Variants in LSAMP observed in about 807,000 individuals in gnomAD.
The protein encoded by LSAMP is limbic system-associated membrane protein.
In LSAMP, 7 loss-of-function variants were observed where a neutral mutation model predicts 38.6. That is an observed-to-expected ratio of 0.18 (90% confidence interval 0.10 to 0.34). The LOEUF is 0.34. LSAMP is among the 10% of genes least tolerant of loss of function. LSAMP has a pLI of 1.00. For missense variants in LSAMP, 313 were observed against 420.0 expected, an observed-to-expected ratio of 0.75 and a Z score of 2.23; for synonymous variants, 154 against 166.8, an observed-to-expected ratio of 0.92 and a Z score of 0.59.
chr3:116,161,252 G>A (rs1351733901), intron 1 of LSAMP, among the ~76,000 whole-genome samples: 1 of 152,126 alleles, frequency 6.6e-6, no homozygotes. Context: ...CTCCAAAATA[G>A]CATGAAATAA....
At chr3:116,424,473 G>A (rs888024255) in intron 1 of LSAMP, among the ~76,000 whole-genome samples, 1 of 152,098 alleles carries the variant, frequency 6.6e-6, no homozygotes, top group Non-Finnish European at 1.5e-5. Flanking sequence ...AAAAATCAAA[G>A]GAAGCTCTTA....
intron 1 of LSAMP, among the ~76,000 whole-genome samples, chr3:116,342,985 G>A (rs559771048): frequency 2.0e-5 from 3 of 152,182 alleles, no homozygotes; most frequent in South Asian, 4.1e-4. Context: ...ATGAATAGTT[G>A]TTCCATTATG....
At chr3:116,324,618 C>A (rs2047745903) in intron 1 of LSAMP, among the ~76,000 whole-genome samples, 1 of 152,098 alleles carries the variant, frequency 6.6e-6, no homozygotes, top group Non-Finnish European at 1.5e-5. Context: ...TTTAGTCTCC[C>A]CTGGATGCTC....
intron 3 of LSAMP, among the ~76,000 whole-genome samples, chr3:115,879,299 A>T (rs922977327): frequency 6.6e-6 from 1 of 152,182 alleles, no homozygotes; most frequent in African/African-American, 2.4e-5. Flanking sequence ...ATTTCAAATT[A>T]CCCAAGCCAT....
chr3:116,084,897 A>G (rs918152466), intron 2 of LSAMP, among the ~76,000 whole-genome samples: 2 of 151,766 alleles, frequency 1.3e-5, no homozygotes, highest in African/African-American at 4.9e-5. Context: ...TCCTAAGTAA[A>G]CTAGTTATCT....
intron 1 of LSAMP, among the ~76,000 whole-genome samples, chr3:116,258,949 T>TAAAG (rs918143088): frequency 1.3e-5 from 2 of 152,114 alleles, no homozygotes; most frequent in Non-Finnish European, 2.9e-5. Context: ...AAATACGTTT[T>TAAAG]AAAGAGAACC....
intron 2 of LSAMP, among the ~76,000 whole-genome samples, chr3:116,042,906 C>A (rs79328430): frequency 1.3e-5 from 2 of 152,114 alleles, no homozygotes; most frequent in African/African-American, 4.8e-5. Context: ...TCTAGAAACT[C>A]CAGGAGTATA....
chr3:116,084,471 AC>A (rs57127863), intron 2 of LSAMP, among the ~76,000 whole-genome samples: 27 of 145,778 alleles, frequency 1.9e-4, no homozygotes, highest in East Asian at 6.0e-4. Context: ...AAAAAAAAAA[AC>A]CAAAAAAAAC....
chr3:116,317,109 T>C (rs1246169282), intron 1 of LSAMP, among the ~76,000 whole-genome samples: 1 of 152,118 alleles, frequency 6.6e-6, no homozygotes, highest in Admixed American at 6.5e-5. Context: ...AATAAAGGAA[T>C]AAAGTTGGCC....
chr3:116,231,273 CA>C (rs2046399752), intron 1 of LSAMP, among the ~76,000 whole-genome samples: 1 of 152,178 alleles, frequency 6.6e-6, no homozygotes. Flanking sequence ...ACAGTTCTCA[CA>C]TATTCAATCA....
rs375623384 is a variant in LSAMP at position 115,904,637 on chromosome 3, T to G, written c.515-52020A>C. Among the ~76,000 whole-genome samples, 9 of 152,244 alleles carry G rather than the reference T, an allele frequency of 5.9e-5. No homozygotes were observed. The South Asian group carries it at 1.9e-3, about 32-fold the overall frequency. The stretch of plus-strand genomic sequence containing the variant: ...CCAGATCTACCCTTCACTCTCAGAG[T>G]GATCTTTCTAAAATGCGAATCTGAT... On this transcript the variant is annotated intron_variant, in intron 3 of 6. Coordinates refer to ENST00000490035, the MANE Select transcript of LSAMP (RefSeq NM_002338.5).
chr3:116,445,012 G>T lies in LSAMP; in HGVS notation c.20C>A (p.Pro7Gln). Reference sequence around the variant, plus strand: ...GACCAGTGGCAACTGTTTCCGATCCGGCTGAACTCTCCTGACCATGGTGGC... The same window carrying T: ...GACCAGTGGCAACTGTTTCCGATCCTGCTGAACTCTCCTGACCATGGTGGC... MVRRVQ[P>Q]DRKQLPLVLL... is the part of the protein sequence containing the mutation. The change falls in exon 1 of 7, where the codon CCG (proline) becomes CAG (glutamine). Residue 7 changes from proline (P) to glutamine (Q), a missense_variant. By Grantham distance (76) the Pro-to-Gln change is moderately conservative (BLOSUM62 -1). Coordinates refer to ENST00000490035, the MANE Select transcript of LSAMP (RefSeq NM_002338.5). 6.2e-7 allele frequency: 1 copy of T among 1,613,806 alleles called. No homozygotes were observed. The highest frequency in any genetic ancestry group is 8.5e-7 in the Non-Finnish European group (1 of 1,179,854).
rs116065923 is a variant in LSAMP, at chr3:116,397,551, C to G, written c.155+47326G>C. Reference sequence around the variant, plus strand: ...CACTACAATGCAAGCTTCGTGAGGACTGAAATTTCTGTGTGTTTTGTTCAT... The same window carrying G: ...CACTACAATGCAAGCTTCGTGAGGAGTGAAATTTCTGTGTGTTTTGTTCAT... On this transcript the variant is annotated intron_variant, in intron 1 of 6. Coordinates refer to ENST00000490035, the MANE Select transcript of LSAMP (RefSeq NM_002338.5). Among the ~76,000 whole-genome samples, 1,448 of 152,222 alleles carry G rather than the reference C, an allele frequency of 9.5e-3. 16 individuals are homozygous for G. Among genetic ancestry groups the G allele is most frequent in the Non-Finnish European group, 0.013 (892 of 68,016 alleles).
At chr3:116,426,591 G>C (rs950040942) in intron 1 of LSAMP, among the ~76,000 whole-genome samples, 1 of 151,720 alleles carries the variant, frequency 6.6e-6, no homozygotes, top group Non-Finnish European at 1.5e-5. Flanking sequence ...CTTAGAAACA[G>C]CTCATTAAAT....
chr3:116,306,749 T>C (rs867105317), intron 1 of LSAMP, among the ~76,000 whole-genome samples: 1 of 152,050 alleles, frequency 6.6e-6, no homozygotes, highest in South Asian at 2.1e-4. Flanking sequence ...ATGTCTCTTG[T>C]TCTATTTTCT....
intron 1 of LSAMP, among the ~76,000 whole-genome samples, chr3:116,154,029 T>C (rs1466830372): frequency 1.3e-5 from 2 of 152,162 alleles, no homozygotes; most frequent in African/African-American, 2.4e-5. Flanking sequence ...AACAATAGTC[T>C]ATGACATAAG....
chr3:116,144,431 T>TA (rs1414176558), intron 1 of LSAMP, among the ~76,000 whole-genome samples: 14 of 151,852 alleles, frequency 9.2e-5, no homozygotes, highest in Non-Finnish European at 1.8e-4. Flanking sequence ...GCTGAGGTGA[T>TA]ATGATCATCT....
chr3:115,905,053 G>A (rs577447508), intron 3 of LSAMP, among the ~76,000 whole-genome samples: 2 of 152,084 alleles, frequency 1.3e-5, no homozygotes, highest in African/African-American at 4.8e-5. Flanking sequence ...CTGGCACATG[G>A]TGGGGTACAG....
intron 2 of LSAMP, among the ~76,000 whole-genome samples, chr3:116,037,363 A>G (rs4831225): frequency 0.13 from 19,116 of 152,168 alleles, 1,342 homozygotes; most frequent in Non-Finnish European, 0.16. Flanking sequence ...ATAGAAAATA[A>G]GATCTGGCCT....
Sources: gnomAD v4.1 joint callset for allele counts (sites outside exome capture counted in the v4.1 genomes callset) on GRCh38, gnomAD v4.1.1 for gene constraint, MANE v1.5 for transcripts, NCBI Gene and HGNC (gene_info 2026-07-23, HGNC 2026-07-21) for gene names.